IFT43: variants seen among roughly 807,000 people sequenced by gnomAD.
The protein encoded by IFT43 is intraflagellar transport 43.
IFT43 carries 33 observed loss-of-function variants against 32.3 expected under a neutral mutation model. The observed-to-expected ratio is 1.02, with a 90% CI of 0.77 to 1.37. The LOEUF (loss-of-function observed/expected upper bound fraction) is 1.37. Ranked by LOEUF, IFT43 falls within the 40% of genes most tolerant of loss-of-function variation. The pLI is 0.00. For synonymous variants in IFT43, 93 were observed against 98.2 expected (o/e 0.95, Z 0.31); for missense variants, 274 against 265.9 (o/e 1.03, Z -0.21).
intron 5 of IFT43, among the ~76,000 whole-genome samples, chr14:76,079,176 C>T (rs113006912): frequency 1.3e-5 from 2 of 152,188 alleles, no homozygotes; most frequent in African/African-American, 4.8e-5. Flanking sequence ...GCTCAGGCAT[C>T]GCAGCCACAT....
intron 3 of IFT43, chr14:76,058,028 C>G (rs1306120196): frequency 6.5e-6 from 1 of 154,400 alleles, no homozygotes; most frequent in Non-Finnish European, 1.4e-5. Flanking sequence ...CCCTGCCAGG[C>G]CCACCAATCT....
At chr14:75,995,875 G>T (rs1273707885) in intron 2 of IFT43, among the ~76,000 whole-genome samples, 1 of 152,200 alleles carries the variant, frequency 6.6e-6, no homozygotes, top group Non-Finnish European at 1.5e-5. Flanking sequence ...TTTATGTCAT[G>T]CTTGGCATGC....
rs745356099 is a variant in IFT43 at position 76,082,596 on chromosome 14, C to T, written c.369-21C>T. 5.6e-5 allele frequency: 90 copies of T among 1,614,068 alleles called. No individual in the cohort carries two copies. The Admixed American group carries it at 1.4e-3, about 25-fold the overall frequency. On this transcript the variant is annotated intron_variant, in intron 6 of 8. Transcript: ENST00000314067. ...CAGGTCCTGCCTGGGGTTCCCGCCT[C>T]TCGCTCTCTCTTTCCTTCAGCATCC...
At chr14:76,025,630 T>G (rs2036377067) in intron 3 of IFT43, among the ~76,000 whole-genome samples, 1 of 151,986 alleles carries the variant, frequency 6.6e-6, no homozygotes, top group Non-Finnish European at 1.5e-5. Flanking sequence ...TAGAACAGAA[T>G]AGAGAACCCA....
At chr14:76,073,195 G>T (rs2037352017) in intron 5 of IFT43, among the ~76,000 whole-genome samples, 1 of 152,194 alleles carries the variant, frequency 6.6e-6, no homozygotes, top group Non-Finnish European at 1.5e-5. Context: ...CCAGAACACA[G>T]CAGGTTGTGG....
chr14:75,990,742 C>G (rs2035621982), intron 2 of IFT43, among the ~76,000 whole-genome samples: 1 of 152,112 alleles, frequency 6.6e-6, no homozygotes, highest in Non-Finnish European at 1.5e-5. Flanking sequence ...TCTCAGGGAG[C>G]TTGAACTGCA....
chr14:76,021,490 A>T (rs943798585), intron 2 of IFT43, among the ~76,000 whole-genome samples: 2 of 152,228 alleles, frequency 1.3e-5, no homozygotes, highest in African/African-American at 4.8e-5. Flanking sequence ...CATTTCAAAA[A>T]ATGCATCAAA....
chr14:76,022,393 A>C lies in IFT43; in HGVS notation c.214A>C (p.Lys72Gln), dbSNP rs939723715. ...GWAGDSVKAS[K>Q]FRRKASEEIE... ...GGCAGGTGATTCCGTGAAGGCTTCG[A>C]AGTGAGTACCAGCAGCTCATAAGAG... Residue 72 changes from lysine (K) to glutamine (Q), a missense_variant and splice_region_variant, in exon 3 of 9, where the codon AAG (lysine) becomes CAG (glutamine). Transcript: ENST00000314067. The C allele has an allele frequency of 3.1e-6, 5 of 1,592,316 alleles. No homozygotes were observed. The African/African-American group carries it at 5.4e-5, about 17-fold the overall frequency.
intron 5 of IFT43, chr14:76,076,750 G>A (rs2037420425): frequency 6.3e-7 from 1 of 1,591,330 alleles, no homozygotes; most frequent in South Asian, 1.1e-5. Context: ...GACTTTGCTA[G>A]GTAATTAGCA....
At chr14:76,016,569 GT>G (rs2036192456) in intron 2 of IFT43, among the ~76,000 whole-genome samples, 1 of 151,994 alleles carries the variant, frequency 6.6e-6, no homozygotes, top group African/African-American at 2.4e-5. Context: ...AAATTTTAGG[GT>G]TGTTTTTTCT....
chr14:76,057,392 G>A (rs1013921519), intron 3 of IFT43, among the ~76,000 whole-genome samples: 2 of 151,944 alleles, frequency 1.3e-5, no homozygotes, highest in African/African-American at 4.8e-5. Flanking sequence ...CACCATACCT[G>A]GCTAATTTTT....
At chr14:76,062,932 A>AG (rs1218245995) in intron 5 of IFT43, among the ~76,000 whole-genome samples, 23 of 142,858 alleles carry the variant, frequency 1.6e-4, no homozygotes, top group Non-Finnish European at 3.2e-4. Flanking sequence ...AAAAAAAAAA[A>AG]AAAAAAAAAG....
intron 3 of IFT43, among the ~76,000 whole-genome samples, chr14:76,031,386 C>G (rs2036507793): frequency 6.6e-6 from 1 of 152,174 alleles, no homozygotes; most frequent in Non-Finnish European, 1.5e-5. Context: ...CCCGAGTCTG[C>G]TTTTGGATGC....
chr14:76,012,365 C>T (rs1437694546), intron 2 of IFT43, among the ~76,000 whole-genome samples: 2 of 152,196 alleles, frequency 1.3e-5, no homozygotes, highest in Non-Finnish European at 2.9e-5. Flanking sequence ...CTCCCTCTGA[C>T]ATGGTAATTC....
chr14:76,073,292 C>A (rs753862504), intron 5 of IFT43, among the ~76,000 whole-genome samples: 3 of 152,034 alleles, frequency 2.0e-5, no homozygotes, highest in Non-Finnish European at 2.9e-5. Context: ...GTAGCTGTTG[C>A]CTAGGTGAGA....
chr14:76,012,944 AGTTT>A (rs2036114222), intron 2 of IFT43, among the ~76,000 whole-genome samples: 1 of 152,136 alleles, frequency 6.6e-6, no homozygotes, highest in South Asian at 2.1e-4. Context: ...CTGGCTTTTA[AGTTT>A]GTTTGAGCTC....
At chr14:76,068,233 C>A (rs940848869) in intron 5 of IFT43, among the ~76,000 whole-genome samples, 18 of 152,172 alleles carry the variant, frequency 1.2e-4, no homozygotes, top group African/African-American at 4.1e-4. Flanking sequence ...TAAGAGTTGG[C>A]TAGCTAGAGA....
chr14:75,989,950 T>C (rs551122739), intron 2 of IFT43, among the ~76,000 whole-genome samples: 49 of 152,382 alleles, frequency 3.2e-4, no homozygotes, highest in African/African-American at 1.1e-3. Context: ...ACCACTTTCT[T>C]AAGCTCTCCA....
chr14:76,050,139 AG>A (rs1242253647), intron 3 of IFT43, among the ~76,000 whole-genome samples: 1 of 152,140 alleles, frequency 6.6e-6, no homozygotes, highest in Non-Finnish European at 1.5e-5. Flanking sequence ...TCCATTGGCA[AG>A]GCTTCCATGA....
Sources: gnomAD v4.1 joint callset for allele counts (sites outside exome capture counted in the v4.1 genomes callset) on GRCh38, gnomAD v4.1.1 for gene constraint, MANE v1.5 for transcripts, NCBI Gene and HGNC (gene_info 2026-07-23, HGNC 2026-07-21) for gene names.